Variants in NUP93 observed in about 807,000 individuals in gnomAD.
NUP93 encodes the protein nucleoporin 93, also known as nuclear pore complex protein Nup93.
In NUP93, 55 loss-of-function variants were observed where a neutral mutation model predicts 107.8. That is an observed-to-expected ratio of 0.51 (90% CI 0.41 to 0.64). The LOEUF (loss-of-function observed/expected upper bound fraction) is 0.64, where lower values mean the gene tolerates loss of function less well. Among genes scored for constraint, NUP93 ranks in the 30% least tolerant of loss-of-function variants. The pLI is 0.00. For synonymous variants in NUP93, 390 were observed against 397.5 expected, an observed-to-expected ratio of 0.98 and a Z score of 0.22; for missense variants, 937 against 1,044.7, an observed-to-expected ratio of 0.90 and a Z score of 1.42.
chr16:56,827,704 CTA>C (rs1211228925), intron 8 of NUP93, among the ~76,000 whole-genome samples: 2 of 152,184 alleles, frequency 1.3e-5, no homozygotes, highest in African/African-American at 2.4e-5. Context: ...GGACTGGACT[CTA>C]TAAATAAAAG....
At chr16:56,752,762 G>A (rs554457458) in intron 2 of NUP93, among the ~76,000 whole-genome samples, 2 of 152,300 alleles carry the variant, frequency 1.3e-5, no homozygotes, top group South Asian at 4.1e-4. Flanking sequence ...TTACTACAGA[G>A]TCACAGTAAT....
chr16:56,742,660 A>G (rs901392178), intron 1 of NUP93, among the ~76,000 whole-genome samples: 26 of 152,238 alleles, frequency 1.7e-4, no homozygotes, highest in Non-Finnish European at 3.1e-4. Context: ...AAACTGGGCA[A>G]GTGTTTGGCA....
chr16:56,830,595 T>C lies in NUP93; in HGVS notation c.995T>C (p.Leu332Pro). The change falls in exon 10 of 22, where the codon CTT (leucine) becomes CCT (proline). Residue 332 changes from leucine (L) to proline (P), a missense_variant. By Grantham distance (98) the Leu-to-Pro change is moderately conservative (BLOSUM62 -3). Coordinates refer to ENST00000308159, the MANE Select transcript of NUP93 (RefSeq NM_014669.5). ...TACTGCATGCGCTGTGGAGACCTGC[T>C]TGCCGCTTCACAGGTAGTTAATCGA... is the stretch of plus-strand genomic sequence containing the variant. ...IYYCMRCGDL[L>P]AASQVVNRAQ... The C allele has an allele frequency of 1.2e-6, 2 of 1,611,504 alleles. No individual in the cohort carries two copies. Among genetic ancestry groups the C allele is most frequent in the Non-Finnish European group, 1.7e-6 (2 of 1,177,790 alleles).
rs762856432 is a variant in NUP93 at position 56,834,452 on chromosome 16, T to C, written c.1737+10T>C. 1 of 1,613,786 alleles carries C rather than the reference T, an allele frequency of 6.2e-7. No homozygotes were observed. The highest frequency in any genetic ancestry group is 1.7e-5 in the Admixed American group (1 of 60,010). On this transcript the variant is annotated intron_variant, in intron 15 of 21. Coordinates refer to ENST00000308159, the MANE Select transcript of NUP93 (RefSeq NM_014669.5). ...GATTGAAAGCCGAGAGGTGAGTGGG[T>C]TTCCTTTTCTCTCCTCCCCATGGTT... is the stretch of plus-strand genomic sequence containing the variant.
At chr16:56,732,846 C>T (rs1003924817) in intron 1 of NUP93, among the ~76,000 whole-genome samples, 1 of 152,198 alleles carries the variant, frequency 6.6e-6, no homozygotes, top group Non-Finnish European at 1.5e-5. Context: ...ATGTGCCAGA[C>T]TTAATGCTGA....
In NUP93 at chr16:56,846,286, C is replaced by T. The variant is rs1321907628; in HGVS notation, c.*1677C>T. On this transcript the variant is annotated 3_prime_UTR_variant, in exon 22 of 22. Transcript: ENST00000308159. ...ATTAGCCGGGCATGGTGGCAGGCAC[C>T]TGTAATCCCAGCTACACAGGAAGCT... The T allele has an allele frequency of 1.3e-5, 2 of 152,084 alleles. No individual in the cohort carries two copies. The highest frequency in any genetic ancestry group is 4.8e-5 in the African/African-American group (2 of 41,400). 9.4% of individuals were successfully genotyped at this position (152,084 alleles called of 1,614,324 possible). A position where few individuals can be genotyped will look rare whatever the true frequency, so the allele number is the denominator to read the frequency against.
At position 56,830,542 on chromosome 16, in the gene NUP93, A is replaced by G. The variant is rs766110990; in HGVS notation, c.942A>G (p.Glu314=). 5 of 1,587,390 alleles carry G rather than the reference A, an allele frequency of 3.1e-6. No homozygotes were observed. Among genetic ancestry groups the G allele is most frequent in the Non-Finnish European group, 3.4e-6 (4 of 1,159,852 alleles). The part of the protein sequence containing the change: ...PLPGLQDGEV[E]GHPVWALIYY... ...TCCTCTTTTAGGATGGAGAGGTGGA[A>G]GGCCATCCTGTGTGGGCGCTAATTT... The change falls in exon 10 of 22, where the codon GAA becomes GAG. Residue 314 remains glutamate (E), a synonymous_variant. Transcript: ENST00000308159.
At chr16:56,770,019 T>G (rs1962291037) in intron 3 of NUP93, among the ~76,000 whole-genome samples, 1 of 152,246 alleles carries the variant, frequency 6.6e-6, no homozygotes, top group Non-Finnish European at 1.5e-5. Context: ...ACAGCAAAAT[T>G]ATTCACGTCT....
intron 3 of NUP93, among the ~76,000 whole-genome samples, chr16:56,786,902 G>A (rs1289263778): frequency 6.6e-6 from 1 of 152,230 alleles, no homozygotes; most frequent in Non-Finnish European, 1.5e-5. Context: ...CAGGCAATTT[G>A]TATTTGAATA....
At chr16:56,783,584 A>G in intron 3 of NUP93, 1 of 985,442 alleles carries the variant, frequency 1.0e-6, no homozygotes, top group Non-Finnish European at 1.2e-6. Context: ...TACAGTTGCA[A>G]ATTATTTCCC....
At chr16:56,832,411 C>A (rs781710820) in intron 12 of NUP93, 23 bp downstream of exon 12, 7 of 1,575,528 alleles carry the variant, frequency 4.4e-6, no homozygotes, top group Non-Finnish European at 4.4e-6. Context: ...ACATAACCAC[C>A]TTTCCCTTCT....
At position 56,828,985 on chromosome 16, in the gene NUP93, A is replaced by G. The variant is rs754355624; in HGVS notation, c.803A>G (p.Asn268Ser). 1.9e-6 allele frequency: 3 copies of G among 1,613,242 alleles called. No homozygotes were observed. The African/African-American group carries it at 4.0e-5, about 22-fold the overall frequency. The change falls in exon 9 of 22, where the codon AAT (asparagine) becomes AGT (serine). Residue 268 changes from asparagine to serine, a missense_variant. Physicochemically the swap from Asn to Ser is conservative, Grantham distance 46 (BLOSUM62 1). Transcript: ENST00000308159. Reference sequence around the variant, plus strand: ...CTTTAAAATTTTTCCAGTTATAAGAATTACACCCTTGTGACTGTCTTTGGA... The same window carrying G: ...CTTTAAAATTTTTCCAGTTATAAGAGTTACACCCTTGTGACTGTCTTTGGA... ...ALAYLEQSYK[N>S]YTLVTVFGNL...
chr16:56,759,954 G>A (rs1186178370), intron 3 of NUP93, among the ~76,000 whole-genome samples: 1 of 152,090 alleles, frequency 6.6e-6, no homozygotes, highest in Admixed American at 6.5e-5. Flanking sequence ...ACAGCATTTT[G>A]TGATGCACTT....
At chr16:56,774,523 G>A (rs1481525389) in intron 3 of NUP93, among the ~76,000 whole-genome samples, 1 of 152,004 alleles carries the variant, frequency 6.6e-6, no homozygotes, top group Admixed American at 6.6e-5. Flanking sequence ...GATGCCATGA[G>A]AGAAAGCAGA....
intron 11 of NUP93, 118 bp from the exon 12 acceptor site, chr16:56,832,177 G>A (rs1963807318): frequency 8.1e-7 from 1 of 1,229,254 alleles, no homozygotes; most frequent in Non-Finnish European, 1.2e-6. Context: ...CATAACCATA[G>A]CCTTAAACAC....
intron 1 of NUP93, among the ~76,000 whole-genome samples, chr16:56,735,484 C>T (rs893333074): frequency 4.6e-5 from 7 of 152,190 alleles, no homozygotes; most frequent in Non-Finnish European, 7.3e-5. Flanking sequence ...AGCAGTGACT[C>T]ACCTGGATGG....
intron 3 of NUP93, among the ~76,000 whole-genome samples, chr16:56,783,055 T>C (rs773410466): frequency 6.6e-6 from 1 of 152,226 alleles, no homozygotes; most frequent in Non-Finnish European, 1.5e-5. Flanking sequence ...TGCAATACTT[T>C]TAATACCTTG....
chr16:56,830,399 A>T, intron 9 of NUP93, 129 bp from the exon 10 acceptor site: 1 of 818,684 alleles, frequency 1.2e-6, no homozygotes, highest in Non-Finnish European at 1.8e-6. Flanking sequence ...AATGGTTCTC[A>T]CTGCAGGGAG....
chr16:56,842,988 A>G (rs1964056872), intron 21 of NUP93, among the ~76,000 whole-genome samples: 1 of 152,170 alleles, frequency 6.6e-6, no homozygotes, highest in Admixed American at 6.5e-5. Flanking sequence ...TCTGCCTCCA[A>G]GATGTCTGTG....
Sources: allele counts gnomAD v4.1 joint callset (sites outside exome capture counted in the v4.1 genomes callset), GRCh38; gene constraint gnomAD v4.1.1; transcripts MANE v1.5; gene names NCBI Gene and HGNC (gene_info 2026-07-23, HGNC 2026-07-21).